ZBTB43: variants seen among roughly 807,000 people sequenced by gnomAD.
The protein encoded by ZBTB43 is zinc finger and BTB domain containing 43.
ZBTB43 carries 6 observed loss-of-function variants against 31.1 expected under a neutral mutation model. That is an observed-to-expected ratio of 0.19 (90% confidence interval 0.11 to 0.38). ZBTB43 has a LOEUF of 0.38. Among genes scored for constraint, ZBTB43 ranks in the 10% least tolerant of loss-of-function variants. The pLI is 1.00. For synonymous variants in ZBTB43, 212 were observed against 221.7 expected (o/e 0.96, Z 0.39); for missense variants, 379 against 602.1 (o/e 0.63, Z 3.88).
chr9:126,833,801 A>G lies in ZBTB43; in HGVS notation c.1292A>G (p.Asn431Ser). 6.2e-7 allele frequency: 1 copy of G among 1,610,928 alleles called. No homozygotes were observed. Among genetic ancestry groups the G allele is most frequent in the Non-Finnish European group, 8.5e-7 (1 of 1,177,278 alleles). The change falls in exon 3 of 3, where the codon AAT (asparagine) becomes AGT (serine). Residue 431 changes from asparagine to serine, a missense_variant. Coordinates refer to ENST00000373464, the MANE Select transcript of ZBTB43 (RefSeq NM_014007.4). This position sits in a 1 kb window ranked among gnomAD's most constrained non-coding sequence, Gnocchi z 7.9. ...ACAGGCATAAAGCCGTATGAGTGTA[A>G]TATCTGTGCAAAGAGGTTTATGTGG... ...IHTGIKPYEC[N>S]ICAKRFMWRD...
At chr9:126,819,409 C>T (rs537427612) in intron 2 of ZBTB43, among the ~76,000 whole-genome samples, 1 of 150,730 alleles carries the variant, frequency 6.6e-6, no homozygotes, top group African/African-American at 2.4e-5. Context: ...GCAGTTCTTG[C>T]AATATTTCAA....
At chr9:126,812,063 A>G (rs1415738981) in intron 2 of ZBTB43, among the ~76,000 whole-genome samples, 2 of 152,188 alleles carry the variant, frequency 1.3e-5, no homozygotes, top group Non-Finnish European at 2.9e-5. Flanking sequence ...AAAGAAACCC[A>G]GTTAGCAGTT....
Position 126,833,987 on chromosome 9 carries a change from A to T in ZBTB43, c.*74A>T. ...ATTAATGCAAATCTGGGCACAGATG[A>T]TGCGTGCTACTTGCTATTATGAGAG... On this transcript the variant is annotated 3_prime_UTR_variant, in exon 3 of 3. Transcript: ENST00000373464. This position sits in a 1 kb window ranked among gnomAD's most constrained non-coding sequence, Gnocchi z 7.9. 1.4e-6 allele frequency: 2 copies of T among 1,401,064 alleles called. No homozygotes were observed. Among genetic ancestry groups the T allele is most frequent in the Non-Finnish European group, 1.9e-6 (2 of 1,039,072 alleles). 86.8% of individuals were successfully genotyped at this position (1,401,064 alleles called of 1,614,324 possible).
intron 2 of ZBTB43, among the ~76,000 whole-genome samples, chr9:126,815,248 A>G (rs936987292): frequency 7.3e-6 from 1 of 137,164 alleles, no homozygotes; most frequent in African/African-American, 2.6e-5. Flanking sequence ...AAAACTATAT[A>G]TATATAGTTT....
chr9:126,834,082 T>G lies in ZBTB43; in HGVS notation c.*169T>G. 6.7e-6 allele frequency: 5 copies of G among 741,012 alleles called. No individual in the cohort carries two copies. Among genetic ancestry groups the G allele is most frequent in the Non-Finnish European group, 1.0e-5 (5 of 492,404 alleles). The allele number at this position is 741,012 out of a possible 1,614,324, so 45.9% of individuals were successfully genotyped here. A position where few individuals can be genotyped will look rare whatever the true frequency, so the allele number is the denominator to read the frequency against. On this transcript the variant is annotated 3_prime_UTR_variant, in exon 3 of 3. Transcript: ENST00000373464. The stretch of plus-strand genomic sequence containing the variant: ...AAGTAGGCCAATTAAAAAAATCTAA[T>G]TCCTCAAATTTGTGTGTTCCAGTCC...
intron 1 of ZBTB43, among the ~76,000 whole-genome samples, chr9:126,807,225 G>A (rs1314159014): frequency 6.6e-6 from 1 of 152,108 alleles, no homozygotes; most frequent in Non-Finnish European, 1.5e-5. Flanking sequence ...ATTGAACTAT[G>A]GCTTAATACG....
chr9:126,807,651 T>G (rs1429985174), intron 1 of ZBTB43, among the ~76,000 whole-genome samples: 1 of 152,208 alleles, frequency 6.6e-6, no homozygotes, highest in Non-Finnish European at 1.5e-5. Flanking sequence ...GTTTTGTTTT[T>G]TTGAGATGGA....
intron 2 of ZBTB43, among the ~76,000 whole-genome samples, chr9:126,830,373 CA>C (rs1359756694): frequency 6.6e-6 from 1 of 152,190 alleles, no homozygotes; most frequent in Non-Finnish European, 1.5e-5. Context: ...GGGCTGGGCG[CA>C]GTGGCTCACG....
At chr9:126,828,434 C>T (rs1307053494) in intron 2 of ZBTB43, among the ~76,000 whole-genome samples, 5 of 151,638 alleles carry the variant, frequency 3.3e-5, no homozygotes, top group African/African-American at 7.3e-5. Flanking sequence ...CCACCCGCCT[C>T]GGCCTCCCAA....
intron 1 of ZBTB43, among the ~76,000 whole-genome samples, chr9:126,807,954 A>C (rs554809411): frequency 7.5e-5 from 11 of 147,406 alleles, no homozygotes; most frequent in African/African-American, 2.9e-4. Context: ...TTCCTTTTCA[A>C]CTCTATTTAT....
At chr9:126,819,628 C>T (rs190319533) in intron 2 of ZBTB43, among the ~76,000 whole-genome samples, 1 of 152,030 alleles carries the variant, frequency 6.6e-6, no homozygotes, top group Admixed American at 6.6e-5. Context: ...GATACACAAC[C>T]ACTTGAATTT....
At chr9:126,829,773 A>G (rs1465093614) in intron 2 of ZBTB43, among the ~76,000 whole-genome samples, 10 of 152,110 alleles carry the variant, frequency 6.6e-5, no homozygotes, top group Admixed American at 6.5e-4. Context: ...TCAAATAGCT[A>G]AAAGCAAAAT....
At position 126,828,965 on chromosome 9, in the gene ZBTB43, A is replaced by G. The variant is rs530273409; in HGVS notation, c.-23-3522A>G. Among the ~76,000 whole-genome samples the G allele has an allele frequency of 1.3e-4, 20 of 152,276 alleles. No homozygotes were observed. The East Asian group carries it at 3.3e-3, about 25-fold the overall frequency. On this transcript the variant is annotated intron_variant, in intron 2 of 2. Transcript: ENST00000373464. ...TAAGTACAGAGTGCCAGCCTCATTC[A>G]TAATTAAGGAAATGCAGATCAGAAC...
At chr9:126,826,710 C>T (rs950391494) in intron 2 of ZBTB43, among the ~76,000 whole-genome samples, 2 of 152,050 alleles carry the variant, frequency 1.3e-5, no homozygotes, top group Admixed American at 6.5e-5. Context: ...GTGATCCTCA[C>T]GCCTCAGCTT....
intron 1 of ZBTB43, among the ~76,000 whole-genome samples, 190 bp downstream of exon 1, chr9:126,805,322 C>T (rs2032098784): frequency 6.6e-6 from 1 of 152,242 alleles, no homozygotes; most frequent in South Asian, 2.1e-4. Context: ...CCGCAGTCTT[C>T]TGCCCACACG....
intron 2 of ZBTB43, among the ~76,000 whole-genome samples, chr9:126,828,638 T>TAAC (rs1298277388): frequency 4.5e-5 from 6 of 133,502 alleles, no homozygotes; most frequent in Non-Finnish European, 7.8e-5. Flanking sequence ...TAAATAATAA[T>TAAC]AATAATAATA....
intron 1 of ZBTB43, among the ~76,000 whole-genome samples, chr9:126,807,739 G>A (rs1231256011): frequency 6.6e-6 from 1 of 152,000 alleles, no homozygotes; most frequent in African/African-American, 2.4e-5. Context: ...GGGTTCAAGC[G>A]ATTCTCCTGC....
At chr9:126,810,554 C>T (rs1192744569) in intron 2 of ZBTB43, among the ~76,000 whole-genome samples, 5 of 125,860 alleles carry the variant, frequency 4.0e-5, no homozygotes, top group Non-Finnish European at 6.3e-5. Context: ...CAGGCTGGAG[C>T]GCGTGGCGAG....
upstream of ZBTB43, among the ~76,000 whole-genome samples, chr9:126,804,691 G>C (rs2032081966): frequency 2.6e-5 from 4 of 152,208 alleles, no homozygotes; most frequent in Admixed American, 6.5e-5. Context: ...CACCATGTTG[G>C]CCAGGATGGT....
Sources: allele counts gnomAD v4.1 joint callset (sites outside exome capture counted in the v4.1 genomes callset), GRCh38; gene constraint gnomAD v4.1.1; non-coding constraint Gnocchi (gnomAD v3.1); transcripts MANE v1.5; gene names NCBI Gene and HGNC (gene_info 2026-07-23, HGNC 2026-07-21).